The following WNT5B variants were observed in gnomAD, a reference collection of about 807,000 sequenced individuals.
WNT5B encodes Wnt family member 5B, also known as protein Wnt-5b.
Under a neutral mutation model 36.5 loss-of-function variants are expected in WNT5B, and 18 were observed. The ratio of observed to expected loss-of-function variants is 0.49; its 90% confidence interval spans 0.34 to 0.73. The LOEUF (loss-of-function observed/expected upper bound fraction) is 0.73. Among genes scored for constraint, WNT5B ranks in the 30% least tolerant of loss-of-function variants. The pLI is 0.01. For missense variants in WNT5B, 424 were observed against 508.4 expected, an observed-to-expected ratio of 0.83 and a Z score of 1.60; for synonymous variants, 213 against 212.3, an observed-to-expected ratio of 1.00 and a Z score of -0.03.
chr12:1,626,056 A>G (rs2094540520), upstream of WNT5B, among the ~76,000 whole-genome samples: 1 of 147,150 alleles, frequency 6.8e-6, no homozygotes, highest in African/African-American at 2.6e-5. Context: ...ACGACTCACT[A>G]CAGCCTTGAA....
rs1406544491 is a variant in WNT5B at position 1,645,964 on chromosome 12, G to A, written c.792G>A (p.Glu264=). ...GCGTCACCCGCAAGGGCCGGCTGGA[G>A]CTGGTCAACAGCCGCTTCACCCAGC... ...AMRVTRKGRL[E]LVNSRFTQPT... The change falls in exon 5 of 5, where the codon GAG becomes GAA. Residue 264 remains glutamate, a synonymous_variant. Transcript: ENST00000397196. 6.2e-6 allele frequency: 10 copies of A among 1,610,720 alleles called. No individual in the cohort carries two copies. Among genetic ancestry groups the A allele is most frequent in the Non-Finnish European group, 8.5e-6 (10 of 1,179,836 alleles).
intron 1 of WNT5B, among the ~76,000 whole-genome samples, chr12:1,623,103 A>T (rs1456143932): frequency 6.6e-6 from 1 of 151,276 alleles, no homozygotes. Flanking sequence ...TGGCGGGGCC[A>T]GATTCTGGAA....
upstream of WNT5B, among the ~76,000 whole-genome samples, chr12:1,624,625 C>T (rs1420129466): frequency 6.6e-6 from 1 of 152,124 alleles, no homozygotes. Flanking sequence ...TAGTGCAGTG[C>T]ACTAAGAGGT....
chr12:1,637,142 G>A (rs1264470220), intron 3 of WNT5B, among the ~76,000 whole-genome samples: 7 of 152,092 alleles, frequency 4.6e-5, no homozygotes, highest in Non-Finnish European at 7.4e-5. Flanking sequence ...GAGTCACCAC[G>A]CCTAGTCACT....
At chr12:1,621,749 C>T (rs763205597) in intron 1 of WNT5B, among the ~76,000 whole-genome samples, 1 of 147,280 alleles carries the variant, frequency 6.8e-6, no homozygotes, top group Non-Finnish European at 1.5e-5. Flanking sequence ...CTCACTATGT[C>T]GGCCAGGCTG....
At chr12:1,642,373 G>A (rs923269036) in intron 4 of WNT5B, among the ~76,000 whole-genome samples, 15 of 152,184 alleles carry the variant, frequency 9.9e-5, no homozygotes, top group Admixed American at 9.2e-4. Context: ...CCCATTGTTA[G>A]TAGTTTTTCT....
intron 4 of WNT5B, chr12:1,645,107 G>C (rs1270418326): frequency 6.6e-6 from 1 of 152,324 alleles, no homozygotes; most frequent in African/African-American, 2.4e-5. Context: ...TATTTGACAG[G>C]ATCAGGGAGA....
rs2094548473 is a variant in WNT5B, at chr12:1,630,487, C to G, written c.-57-811C>G. On this transcript the variant is annotated intron_variant, in intron 1 of 4. Coordinates refer to ENST00000397196, the MANE Select transcript of WNT5B (RefSeq NM_032642.3). This position sits in a 1 kb window ranked among gnomAD's most constrained non-coding sequence, Gnocchi z 5.3. ...GAAGGGCTGTGGCATCTGGAAGATG[C>G]GTCCTCAGCTCAGGCATTTGATGCC... Among the ~76,000 whole-genome samples, 1 of 152,158 alleles carries G rather than the reference C, an allele frequency of 6.6e-6. No homozygotes were observed. The highest frequency in any genetic ancestry group is 1.5e-5 in the Non-Finnish European group (1 of 68,024).
At chr12:1,637,863 G>A (rs936443346) in intron 3 of WNT5B, among the ~76,000 whole-genome samples, 1 of 151,990 alleles carries the variant, frequency 6.6e-6, no homozygotes, top group Non-Finnish European at 1.5e-5. Context: ...GCTAAAAAAT[G>A]CTGACACAGA....
At chr12:1,619,320 T>A (rs1260997798) in intron 1 of WNT5B, among the ~76,000 whole-genome samples, 1 of 152,074 alleles carries the variant, frequency 6.6e-6, no homozygotes, top group Non-Finnish European at 1.5e-5. Flanking sequence ...CACAAGCAGA[T>A]CACACAAAAG....
intron 3 of WNT5B, among the ~76,000 whole-genome samples, chr12:1,638,450 C>G (rs1421313401): frequency 6.6e-6 from 1 of 152,200 alleles, no homozygotes; most frequent in African/African-American, 2.4e-5. Flanking sequence ...CATTCCCACC[C>G]ACAGTATGGG....
intron 1 of WNT5B, chr12:1,631,030 T>C (rs963907123): frequency 3.3e-5 from 7 of 210,096 alleles, no homozygotes; most frequent in Non-Finnish European, 6.7e-5. Context: ...TGAAATTACT[T>C]GTTTTCATTT....
rs1478677068 is a variant in WNT5B, at chr12:1,630,125, CTGA to C, written c.-58+758_-58+760del. On this transcript the variant is annotated intron_variant, in intron 1 of 4. Transcript: ENST00000397196. The surrounding 1 kb of genome is among the most constrained non-coding windows in gnomAD (Gnocchi z 5.3). ...CCCCAGGACAAAAATACTTCCCGGG[CTGA>C]TGACCCGAAGCACCCGCCGCCCCCT... 1 of 985,412 alleles carries C rather than the reference CTGA, an allele frequency of 1.0e-6. No homozygotes were observed. The highest frequency in any genetic ancestry group is 1.7e-5 in the African/African-American group (1 of 57,224). The allele number at this position is 985,412 out of a possible 1,614,324, so 61.0% of individuals were successfully genotyped here.
intron 4 of WNT5B, among the ~76,000 whole-genome samples, chr12:1,641,522 G>A (rs2094575266): frequency 6.6e-6 from 1 of 152,184 alleles, no homozygotes; most frequent in Non-Finnish European, 1.5e-5. Context: ...CTCATGAGAG[G>A]CGGGGCACGG....
rs1268120975 is a variant in WNT5B, at chr12:1,633,900, T to G, written c.328+995T>G. On this transcript the variant is annotated intron_variant, in intron 3 of 4. Coordinates refer to ENST00000397196, the MANE Select transcript of WNT5B (RefSeq NM_032642.3). This position sits in a 1 kb window ranked among gnomAD's most constrained non-coding sequence, Gnocchi z 4.8. ...TTATTCCAGACCTCTTTCCCTACCC[T>G]CTCTGTCCCATATTGAGAAGTAATG... 1.3e-5 allele frequency among the ~76,000 whole-genome samples: 2 copies of G among 152,070 alleles called. No homozygotes were observed. Among genetic ancestry groups the G allele is most frequent in the Non-Finnish European group, 2.9e-5 (2 of 68,010 alleles).
chr12:1,644,714 G>A lies in WNT5B; in HGVS notation c.622-1080G>A, dbSNP rs2094582027. 1 of 152,266 alleles carries A rather than the reference G, an allele frequency of 6.6e-6. No individual in the cohort carries two copies. Among genetic ancestry groups the A allele is most frequent in the Non-Finnish European group, 1.5e-5 (1 of 68,052 alleles). The allele number at this position is 152,266 out of a possible 1,614,324, so 9.4% of individuals were successfully genotyped here. On this transcript the variant is annotated intron_variant, in intron 4 of 4. Transcript: ENST00000397196. This position sits in a 1 kb window ranked among gnomAD's most constrained non-coding sequence, Gnocchi z 5.1. ...CGCCATCTGCACGTCTAGGCCTGCTGCCAGGGTTGGTTGCCATGGTGCGTC... is the reference window on the plus strand; with the variant it reads ...CGCCATCTGCACGTCTAGGCCTGCTACCAGGGTTGGTTGCCATGGTGCGTC...
Position 1,631,422 on chromosome 12 carries a change from C to A in WNT5B, c.68C>A (p.Ala23Asp). Reference protein sequence around the residue: ...LSSWAQLLTDANSWWSLALNP... With the variant: ...LSSWAQLLTDDNSWWSLALNP... ...AGCTGGGCTCAGCTTCTGACAGACGCCAACTCCTGGTGGTGAGTAAGAGGG... is the reference window on the plus strand; with the variant it reads ...AGCTGGGCTCAGCTTCTGACAGACGACAACTCCTGGTGGTGAGTAAGAGGG... Residue 23 changes from alanine to aspartate, a missense_variant, in exon 2 of 5, where the codon GCC becomes GAC. Transcript: ENST00000397196. 6.2e-7 allele frequency: 1 copy of A among 1,614,164 alleles called. No homozygotes were observed. Among genetic ancestry groups the A allele is most frequent in the Non-Finnish European group, 8.5e-7 (1 of 1,180,034 alleles).
At chr12:1,640,123 C>T (rs2094572061) in intron 4 of WNT5B, 147 bp downstream of exon 4, 2 of 935,044 alleles carry the variant, frequency 2.1e-6, no homozygotes, top group East Asian at 2.9e-5. Flanking sequence ...TACATGTCCA[C>T]GTTATTGAAC....
exon 1 of WNT5B, chr12:1,617,095 G>A (rs556692834): frequency 1.3e-5 from 2 of 152,294 alleles, no homozygotes. Context: ...TGAAGCAGAA[G>A]GTTGACAGCT....
Sources: gnomAD v4.1 joint callset for allele counts (sites outside exome capture counted in the v4.1 genomes callset) on GRCh38, gnomAD v4.1.1 for gene constraint, Gnocchi (gnomAD v3.1) non-coding constraint, MANE v1.5 for transcripts, NCBI Gene and HGNC (gene_info 2026-07-23, HGNC 2026-07-21) for gene names.